IL15: variants seen among roughly 807,000 people sequenced by gnomAD.
The protein encoded by IL15 is interleukin-15.
In IL15, 11 loss-of-function variants were observed where a neutral mutation model predicts 19.6. That is an observed-to-expected ratio of 0.56 (90% CI 0.35 to 0.93). The LOEUF (loss-of-function observed/expected upper bound fraction) is 0.93. Ranked by LOEUF, IL15 falls within the 40% of genes least tolerant of loss-of-function variation. The pLI, the probability that IL15 is intolerant of heterozygous loss-of-function variation, is 0.01. For synonymous variants in IL15, 58 were observed against 59.6 expected, an observed-to-expected ratio of 0.97 and a Z score of 0.12; for missense variants, 197 against 186.5, an observed-to-expected ratio of 1.06 and a Z score of -0.33.
rs770784464 is a variant in IL15, at chr4:141,732,899, G to T, written c.*51G>T. The T allele has an allele frequency of 8.8e-6, 14 of 1,583,788 alleles. No homozygotes were observed. In the Admixed American group the frequency reaches 2.4e-4, roughly 28 times the overall value. On this transcript the variant is annotated 3_prime_UTR_variant, in exon 8 of 8. Coordinates refer to ENST00000320650, the MANE Select transcript of IL15 (RefSeq NM_000585.5). Reference sequence around the variant, plus strand: ...TTCTGTTATTAACAAACATCACTCTGCTGCTTAGACATAACAAAACACTCG... The same window carrying T: ...TTCTGTTATTAACAAACATCACTCTTCTGCTTAGACATAACAAAACACTCG...
chr4:141,711,606 A>G (rs1729720254), intron 2 of IL15, among the ~76,000 whole-genome samples: 1 of 152,150 alleles, frequency 6.6e-6, no homozygotes, highest in South Asian at 2.1e-4. Context: ...GACCACAAGA[A>G]TTTCACATTT....
chr4:141,686,930 T>C (rs1208806154), intron 2 of IL15, among the ~76,000 whole-genome samples: 1 of 152,240 alleles, frequency 6.6e-6, no homozygotes, highest in African/African-American at 2.4e-5. Context: ...AAATATTTTC[T>C]ATAAAGAGAA....
chr4:141,649,022 T>C (rs1293871922), intron 1 of IL15, among the ~76,000 whole-genome samples: 2 of 152,150 alleles, frequency 1.3e-5, no homozygotes, highest in East Asian at 3.9e-4. Context: ...ATTGTTTGCA[T>C]GTAAACAGCT....
chr4:141,708,714 T>C (rs1380004428), intron 2 of IL15, among the ~76,000 whole-genome samples: 1 of 152,178 alleles, frequency 6.6e-6, no homozygotes, highest in Non-Finnish European at 1.5e-5. Context: ...TCTCGCCTTC[T>C]GTGCTTCACA....
At chr4:141,721,177 G>A (rs1056323012) in intron 4 of IL15, 2 of 1,114,352 alleles carry the variant, frequency 1.8e-6, no homozygotes, top group East Asian at 2.4e-5. Context: ...GATTTGTGCA[G>A]GTAATTCTTC....
At chr4:141,701,471 A>C (rs971562565) in intron 2 of IL15, among the ~76,000 whole-genome samples, 8 of 152,162 alleles carry the variant, frequency 5.3e-5, no homozygotes, top group African/African-American at 1.9e-4. Context: ...TGTGTGGGCA[A>C]GTTCACTGTC....
chr4:141,652,956 G>A (rs1293921230), intron 1 of IL15, among the ~76,000 whole-genome samples: 3 of 152,064 alleles, frequency 2.0e-5, no homozygotes, highest in African/African-American at 7.2e-5. Flanking sequence ...TTATCAGCAG[G>A]TAATAAGAAA....
intron 2 of IL15, among the ~76,000 whole-genome samples, chr4:141,661,067 T>C (rs1727769854): frequency 6.6e-6 from 1 of 152,042 alleles, no homozygotes; most frequent in Non-Finnish European, 1.5e-5. Flanking sequence ...GAGAAAATTA[T>C]GAGAATGGCA....
In IL15 at chr4:141,732,866, TA is replaced by T; in HGVS notation, c.*21del. ...CTTCTTGATTGCAATTGATTCTTTT[TA>T]AAGTGTTTCTGTTATTAACAAACAT... is the stretch of plus-strand genomic sequence containing the variant. On this transcript the variant is annotated 3_prime_UTR_variant, in exon 8 of 8. Transcript: ENST00000320650. 1 of 1,602,758 alleles carries T rather than the reference TA, an allele frequency of 6.2e-7. No individual in the cohort carries two copies.
At chr4:141,730,989 C>T (rs1730433086) in intron 7 of IL15, among the ~76,000 whole-genome samples, 1 of 152,080 alleles carries the variant, frequency 6.6e-6, no homozygotes, top group African/African-American at 2.4e-5. Flanking sequence ...AGGGTAGGGG[C>T]ACTGGGGCTC....
chr4:141,683,969 A>G (rs1034193603), intron 2 of IL15, among the ~76,000 whole-genome samples: 2 of 152,204 alleles, frequency 1.3e-5, no homozygotes, highest in Non-Finnish European at 2.9e-5. Flanking sequence ...TGTAGACACA[A>G]TATGAATACT....
chr4:141,675,576 C>T (rs1452110005), intron 2 of IL15, among the ~76,000 whole-genome samples: 1 of 152,128 alleles, frequency 6.6e-6, no homozygotes, highest in Non-Finnish European at 1.5e-5. Context: ...TAGTGTACTA[C>T]CATAAACCTT....
At chr4:141,710,797 T>A (rs1729692329) in intron 2 of IL15, among the ~76,000 whole-genome samples, 1 of 152,198 alleles carries the variant, frequency 6.6e-6, no homozygotes, top group Non-Finnish European at 1.5e-5. Flanking sequence ...TGGGTTTTTT[T>A]TTCATAGTTA....
At chr4:141,692,994 G>A (rs1037559265) in intron 2 of IL15, among the ~76,000 whole-genome samples, 1 of 103,756 alleles carries the variant, frequency 9.6e-6, no homozygotes, top group African/African-American at 4.0e-5. Flanking sequence ...CTCAGCCAGG[G>A]GAACAGAGCA....
intron 1 of IL15, among the ~76,000 whole-genome samples, chr4:141,638,167 A>G (rs946363562): frequency 6.6e-6 from 1 of 152,354 alleles, no homozygotes; most frequent in South Asian, 2.1e-4. Context: ...GAGCAAGGAA[A>G]TACATGGGAA....
At chr4:141,699,066 T>C (rs895924047) in intron 2 of IL15, among the ~76,000 whole-genome samples, 2 of 152,214 alleles carry the variant, frequency 1.3e-5, no homozygotes, top group African/African-American at 4.8e-5. Flanking sequence ...AAAATTTCCA[T>C]CTTGATTTTA....
chr4:141,682,606 A>T (rs545621468), intron 2 of IL15, among the ~76,000 whole-genome samples: 1 of 152,302 alleles, frequency 6.6e-6, no homozygotes, highest in Admixed American at 6.5e-5. Context: ...ACATGAACAC[A>T]TGTACATACA....
At chr4:141,715,302 C>T (rs1417778382) in intron 2 of IL15, 1 of 152,388 alleles carries the variant, frequency 6.6e-6, no homozygotes, top group African/African-American at 2.4e-5. Context: ...GCTCATTCCA[C>T]TGGCTTCTTT....
intron 1 of IL15, among the ~76,000 whole-genome samples, chr4:141,637,382 T>C (rs1383652495): frequency 6.6e-6 from 1 of 152,098 alleles, no homozygotes; most frequent in Non-Finnish European, 1.5e-5. Context: ...TTTGCAGGAA[T>C]GGTCAGTGCT....
Sources: gnomAD v4.1 joint callset for allele counts (sites outside exome capture counted in the v4.1 genomes callset) on GRCh38, gnomAD v4.1.1 for gene constraint, MANE v1.5 for transcripts, NCBI Gene and HGNC (gene_info 2026-07-23, HGNC 2026-07-21) for gene names.